Variants in OR4K2 observed in about 807,000 individuals in gnomAD.
OR4K2 encodes the protein olfactory receptor family 4 subfamily K member 2, also known as olfactory receptor 4K2.
OR4K2 carries 8 observed loss-of-function variants against 10.5 expected under a neutral mutation model. That is an observed-to-expected ratio of 0.76 (90% CI 0.45 to 1.37). The LOEUF is 1.37. Ranked by LOEUF, OR4K2 falls within the 40% of genes most tolerant of loss-of-function variation. OR4K2 has a pLI of 0.00. For synonymous variants in OR4K2, 178 were observed against 133.6 expected (o/e 1.33, Z -2.29); for missense variants, 547 against 379.5 (o/e 1.44, Z -3.67).
chr14:19,876,600 G>C lies in OR4K2; in HGVS notation c.333G>C (p.Glu111Asp). 6.2e-7 allele frequency: 1 copy of C among 1,614,192 alleles called. No individual in the cohort carries two copies. Among genetic ancestry groups the C allele is most frequent in the East Asian group, 2.2e-5 (1 of 44,890 alleles). ...TTCTCCACCTTTTCACTGGAACTGAGATCATCTTACTCATGGCCATGTCCT... is the reference window on the plus strand; with the variant it reads ...TTCTCCACCTTTTCACTGGAACTGACATCATCTTACTCATGGCCATGTCCT... Reference protein sequence around the residue: ...IFFLHLFTGTEIILLMAMSFD... With the variant: ...IFFLHLFTGTDIILLMAMSFD... Residue 111 changes from glutamate to aspartate, a missense_variant, in exon 2 of 2, where the codon GAG becomes GAC. Physicochemically the swap from Glu to Asp is conservative, Grantham distance 45 (BLOSUM62 2). Coordinates refer to ENST00000641885, the MANE Select transcript of OR4K2 (RefSeq NM_001005501.2).
chr14:19,876,518 A>G lies in OR4K2; in HGVS notation c.251A>G (p.Asp84Gly), dbSNP rs1880905098. Residue 84 changes from aspartate (D) to glycine (G), a missense_variant, in exon 2 of 2, where the codon GAT becomes GGT. Physicochemically the swap from Asp to Gly is moderately conservative, Grantham distance 94. Transcript: ENST00000641885. The part of the protein sequence containing the change: ...ASFATPKMIT[D>G]YLTGHKTISF... ...TTCGCCACCCCAAAGATGATTACAGATTACCTAACAGGTCACAAAACCATC... is the reference window on the plus strand; with the variant it reads ...TTCGCCACCCCAAAGATGATTACAGGTTACCTAACAGGTCACAAAACCATC... 2 of 1,614,158 alleles carry G rather than the reference A, an allele frequency of 1.2e-6. No homozygotes were observed. Among genetic ancestry groups the G allele is most frequent in the East Asian group, 2.2e-5 (1 of 44,890 alleles).
rs1880895665 is a variant in OR4K2 at position 19,876,343 on chromosome 14, T to C, written c.76T>C (p.Phe26Leu). ...GLSNSWELQM[F>L]FFMVFSLLYV... ...CTCTAATTCCTGGGAACTACAGATG[T>C]TTTTCTTTATGGTGTTTTCATTGCT... is the stretch of plus-strand genomic sequence containing the variant. Residue 26 changes from phenylalanine (F) to leucine (L), a missense_variant, in exon 2 of 2, where the codon TTT becomes CTT. Physicochemically the swap from Phe to Leu is conservative, Grantham distance 22 (BLOSUM62 0). Transcript: ENST00000641885. 4 of 1,614,070 alleles carry C rather than the reference T, an allele frequency of 2.5e-6. No homozygotes were observed. Among genetic ancestry groups the C allele is most frequent in the Non-Finnish European group, 3.4e-6 (4 of 1,179,974 alleles).
In OR4K2 at chr14:19,881,879, T is replaced by G. The variant is rs1202737511; in HGVS notation, c.*4667T>G. 6.6e-6 allele frequency: 1 copy of G among 152,018 alleles called. No homozygotes were observed. Among genetic ancestry groups the G allele is most frequent in the East Asian group, 1.9e-4 (1 of 5,190 alleles). The allele number at this position is 152,018 out of a possible 1,614,324, so 9.4% of individuals were successfully genotyped here. On this transcript the variant is annotated 3_prime_UTR_variant, in exon 2 of 2. Transcript: ENST00000641885. ...TAATTAGTAATTTGTTTTTATATAA[T>G]AATATATTTATATCAATTTTTTCTT...
In OR4K2 at chr14:19,883,168, C is replaced by T. The variant is rs926985366; in HGVS notation, c.*5956C>T. On this transcript the variant is annotated 3_prime_UTR_variant, in exon 2 of 2. Transcript: ENST00000641885. ...CAAATTGCCTATCCAGCAGCTTAATCATATTTAGTTTGATACTTTTTGCAA... is the reference window on the plus strand; with the variant it reads ...CAAATTGCCTATCCAGCAGCTTAATTATATTTAGTTTGATACTTTTTGCAA... 3.3e-5 allele frequency: 5 copies of T among 152,268 alleles called. No homozygotes were observed. The highest frequency in any genetic ancestry group is 9.6e-5 in the African/African-American group (4 of 41,458). 9.4% of individuals were successfully genotyped at this position (152,268 alleles called of 1,614,324 possible). A position where few individuals can be genotyped will look rare whatever the true frequency, so the allele number is the denominator to read the frequency against.
rs1469186246 is a variant in OR4K2 at position 19,877,132 on chromosome 14, T to G, written c.865T>G (p.Leu289Val). 1 of 1,605,270 alleles carries G rather than the reference T, an allele frequency of 6.2e-7. No individual in the cohort carries two copies. Among genetic ancestry groups the G allele is most frequent in the South Asian group, 1.1e-5 (1 of 91,004 alleles). The change falls in exon 2 of 2, where the codon TTG becomes GTG. Residue 289 changes from leucine to valine, a missense_variant. Transcript: ENST00000641885. ...TPTLNPIIYTLRNQEVKIAMR... is the reference protein window; with the variant it reads ...TPTLNPIIYTVRNQEVKIAMR... ...CACTCTGAACCCAATAATCTATACT[T>G]TGAGGAATCAAGAAGTAAAGATAGC...
At position 19,876,880 on chromosome 14, in the gene OR4K2, A is replaced by C. The variant is rs772515563; in HGVS notation, c.613A>C (p.Ile205Leu). 6.2e-7 allele frequency: 1 copy of C among 1,614,208 alleles called. No homozygotes were observed. The highest frequency in any genetic ancestry group is 2.2e-5 in the East Asian group (1 of 44,888). The stretch of plus-strand genomic sequence containing the variant: ...CCTCTTTATGATCTCAACAAGTGGC[A>C]TAATTGCGTTGTCCTGTTTTATTGT... Reference protein sequence around the residue: ...LGLFMISTSGIIALSCFIVLF... With the variant: ...LGLFMISTSGLIALSCFIVLF... Residue 205 changes from isoleucine to leucine, a missense_variant, in exon 2 of 2, where the codon ATA becomes CTA. Ile to Leu is a conservative substitution (Grantham distance 5, BLOSUM62 2). Transcript: ENST00000641885.
Position 19,882,172 on chromosome 14 carries a change from GGA to G in OR4K2, c.*4961_*4962del, listed in dbSNP as rs1471051903. 1 of 152,428 alleles carries G rather than the reference GGA, an allele frequency of 6.6e-6. No individual in the cohort carries two copies. The highest frequency in any genetic ancestry group is 1.9e-4 in the East Asian group (1 of 5,192). The allele number at this position is 152,428 out of a possible 1,614,324, so 9.4% of individuals were successfully genotyped here. ...CTCTTGAAGGTGGTGAATAGTCACT[GGA>G]CACAGGTATGGCTGCCACAGTTGCT... On this transcript the variant is annotated 3_prime_UTR_variant, in exon 2 of 2. Coordinates refer to ENST00000641885, the MANE Select transcript of OR4K2 (RefSeq NM_001005501.2).
chr14:19,879,710 T>C lies in OR4K2; in HGVS notation c.*2498T>C, dbSNP rs561856440. 30 of 152,382 alleles carry C rather than the reference T, an allele frequency of 2.0e-4. No individual in the cohort carries two copies. The highest frequency in any genetic ancestry group is 6.3e-4 in the African/African-American group (26 of 41,598). 9.4% of individuals were successfully genotyped at this position (152,382 alleles called of 1,614,324 possible). On this transcript the variant is annotated 3_prime_UTR_variant, in exon 2 of 2. Coordinates refer to ENST00000641885, the MANE Select transcript of OR4K2 (RefSeq NM_001005501.2). ...TTAATATGTGAAGGAACTGGATATA[T>C]GTAATAGCAATAAAAACTACAAATT...
chr14:19,876,839 A>T lies in OR4K2; in HGVS notation c.572A>T (p.Asp191Val), dbSNP rs764922141. The T allele has an allele frequency of 7.4e-6, 12 of 1,614,132 alleles. No individual in the cohort carries two copies. The South Asian group carries it at 9.9e-5, about 13-fold the overall frequency. The change falls in exon 2 of 2, where the codon GAT becomes GTT. Residue 191 changes from aspartate (D) to valine (V), a missense_variant. Transcript: ENST00000641885. ...LPVVFQLACV[D>V]TYVLGLFMIS... ...GTGGTGTTCCAGTTGGCTTGTGTGG[A>T]TACTTATGTTCTGGGCCTCTTTATG...
In OR4K2 at chr14:19,877,197, G is replaced by T; in HGVS notation, c.930G>T (p.Lys310Asn). 6.3e-7 allele frequency: 1 copy of T among 1,580,800 alleles called. No individual in the cohort carries two copies. The highest frequency in any genetic ancestry group is 1.1e-5 in the South Asian group (1 of 89,688). The change falls in exon 2 of 2, where the codon AAG becomes AAT. Residue 310 changes from lysine (K) to asparagine (N), a missense_variant. Lys to Asn is a moderately conservative substitution (Grantham distance 94, BLOSUM62 0). Coordinates refer to ENST00000641885, the MANE Select transcript of OR4K2 (RefSeq NM_001005501.2). ...AAAATAGGTTTCTAAATTTTAATAAGGCAATGCCTTCATAGTTTTTGTGAC... is the reference window on the plus strand; with the variant it reads ...AAAATAGGTTTCTAAATTTTAATAATGCAATGCCTTCATAGTTTTTGTGAC... ...KLKNRFLNFNKAMPS is the reference protein window; with the variant it reads ...KLKNRFLNFNNAMPS
Position 19,875,856 on chromosome 14 carries a change from A to C in OR4K2, c.-302A>C, listed in dbSNP as rs914021639. The stretch of plus-strand genomic sequence containing the variant: ...AGGATATCTTTATGGACAAATTCCA[A>C]ATGACTAAACATGTATGTGTATGTG... On this transcript the variant is annotated 5_prime_UTR_variant, in exon 1 of 2. Transcript: ENST00000641885. The C allele has an allele frequency of 2.9e-5, 5 of 170,518 alleles. No homozygotes were observed. The highest frequency in any genetic ancestry group is 1.2e-4 in the African/African-American group (5 of 41,770). 10.6% of individuals were successfully genotyped at this position (170,518 alleles called of 1,614,324 possible). A position where few individuals can be genotyped will look rare whatever the true frequency, so the allele number is the denominator to read the frequency against.
chr14:19,877,122 A>T lies in OR4K2; in HGVS notation c.855A>T (p.Ile285=). Residue 285 remains isoleucine, a synonymous_variant, in exon 2 of 2, where the codon ATA becomes ATT. Coordinates refer to ENST00000641885, the MANE Select transcript of OR4K2 (RefSeq NM_001005501.2). The part of the protein sequence containing the change: ...YTIFTPTLNP[I]IYTLRNQEVK... ...TCTTTACTCCCACTCTGAACCCAAT[A>T]ATCTATACTTTGAGGAATCAAGAAG... 1 of 1,606,436 alleles carries T rather than the reference A, an allele frequency of 6.2e-7. No homozygotes were observed. The highest frequency in any genetic ancestry group is 8.5e-7 in the Non-Finnish European group (1 of 1,179,788).
At position 19,877,970 on chromosome 14, in the gene OR4K2, A is replaced by C. The variant is rs1880952242; in HGVS notation, c.*758A>C. On this transcript the variant is annotated 3_prime_UTR_variant, in exon 2 of 2. Transcript: ENST00000641885. ...ATGGTTGCTTAGTTCCTAAGAAGTT[A>C]AAACTAGAATTGAGAGACACAGTTT... The C allele has an allele frequency of 6.6e-6, 1 of 152,292 alleles. No homozygotes were observed. The highest frequency in any genetic ancestry group is 2.4e-5 in the African/African-American group (1 of 41,476). The allele number at this position is 152,292 out of a possible 1,614,324, so 9.4% of individuals were successfully genotyped here.
Position 19,876,371 on chromosome 14 carries a change from A to C in OR4K2, c.104A>C (p.Tyr35Ser), listed in dbSNP as rs765620631. Reference sequence around the variant, plus strand: ...TTCTTTATGGTGTTTTCATTGCTTTATGTGGCAACAATGGTGGGTAACAGC... The same window carrying C: ...TTCTTTATGGTGTTTTCATTGCTTTCTGTGGCAACAATGGTGGGTAACAGC... ...MFFFMVFSLL[Y>S]VATMVGNSLI... The change falls in exon 2 of 2, where the codon TAT becomes TCT. Residue 35 changes from tyrosine (Y) to serine (S), a missense_variant. Tyr to Ser is a moderately radical substitution (Grantham distance 144). Coordinates refer to ENST00000641885, the MANE Select transcript of OR4K2 (RefSeq NM_001005501.2). The C allele has an allele frequency of 1.9e-6, 3 of 1,614,062 alleles. No individual in the cohort carries two copies. The highest frequency in any genetic ancestry group is 1.7e-5 in the Admixed American group (1 of 60,006).
Position 19,876,826 on chromosome 14 carries a change from T to C in OR4K2, c.559T>C (p.Leu187=), listed in dbSNP as rs1203817704. 6.2e-7 allele frequency: 1 copy of C among 1,614,222 alleles called. No individual in the cohort carries two copies. The highest frequency in any genetic ancestry group is 8.5e-7 in the Non-Finnish European group (1 of 1,180,014). The part of the protein sequence containing the change: ...FFCDLPVVFQ[L]ACVDTYVLGL... ...CTGTGACCTTCCTGTGGTGTTCCAG[T>C]TGGCTTGTGTGGATACTTATGTTCT... is the stretch of plus-strand genomic sequence containing the variant. The change falls in exon 2 of 2, where the codon TTG becomes CTG. Residue 187 remains leucine, a synonymous_variant. Transcript: ENST00000641885.
In OR4K2 at chr14:19,877,709, T is replaced by G. The variant is rs1229553946; in HGVS notation, c.*497T>G. 1 of 153,676 alleles carries G rather than the reference T, an allele frequency of 6.5e-6. No homozygotes were observed. The highest frequency in any genetic ancestry group is 2.4e-5 in the African/African-American group (1 of 41,480). 9.5% of individuals were successfully genotyped at this position (153,676 alleles called of 1,614,324 possible). A position where few individuals can be genotyped will look rare whatever the true frequency, so the allele number is the denominator to read the frequency against. ...CCTACTTAACATTTAAACCAATTTG[T>G]GATCTCTTCTATTAAAGAAAACTCT... On this transcript the variant is annotated 3_prime_UTR_variant, in exon 2 of 2. Coordinates refer to ENST00000641885, the MANE Select transcript of OR4K2 (RefSeq NM_001005501.2).
In OR4K2 at chr14:19,876,866, T is replaced by C. The variant is rs749544068; in HGVS notation, c.599T>C (p.Ile200Thr). ...VDTYVLGLFM[I>T]STSGIIALSC... ...ACTTATGTTCTGGGCCTCTTTATGA[T>C]CTCAACAAGTGGCATAATTGCGTTG... Residue 200 changes from isoleucine to threonine, a missense_variant, in exon 2 of 2, where the codon ATC becomes ACC. Physicochemically the swap from Ile to Thr is moderately conservative, Grantham distance 89. Transcript: ENST00000641885. 4.3e-6 allele frequency: 7 copies of C among 1,614,050 alleles called. No individual in the cohort carries two copies. The African/African-American group carries it at 8.0e-5, about 18-fold the overall frequency.
Position 19,875,588 on chromosome 14 carries a change from T to A in OR4K2, c.-570T>A, listed in dbSNP as rs2138528387. 1 of 152,346 alleles carries A rather than the reference T, an allele frequency of 6.6e-6. No homozygotes were observed. Among genetic ancestry groups the A allele is most frequent in the Non-Finnish European group, 1.5e-5 (1 of 68,022 alleles). 9.4% of individuals were successfully genotyped at this position (152,346 alleles called of 1,614,324 possible). A position where few individuals can be genotyped will look rare whatever the true frequency, so the allele number is the denominator to read the frequency against. On this transcript the variant is annotated 5_prime_UTR_variant, in exon 1 of 2. Coordinates refer to ENST00000641885, the MANE Select transcript of OR4K2 (RefSeq NM_001005501.2). ...ATTAAAAAGAAAGGACCAAAAGAAG[T>A]TAAATGCCTTTCCTTTGTCTGTATG...
Position 19,877,179 on chromosome 14 carries a change from G to A in OR4K2, c.912G>A (p.Arg304=). The change falls in exon 2 of 2, where the codon AGG becomes AGA. Residue 304 remains arginine (R), a synonymous_variant. Transcript: ENST00000641885. The stretch of plus-strand genomic sequence containing the variant: ...TAGCCATGAGGAAACTGAAAAATAG[G>A]TTTCTAAATTTTAATAAGGCAATGC... ...VKIAMRKLKN[R]FLNFNKAMPS is the part of the protein sequence containing the mutation. 1.9e-6 allele frequency: 3 copies of A among 1,596,516 alleles called. No homozygotes were observed. The highest frequency in any genetic ancestry group is 2.7e-5 in the African/African-American group (2 of 74,652).
Sources: allele counts gnomAD v4.1 joint callset, GRCh38; gene constraint gnomAD v4.1.1; transcripts MANE v1.5; gene names NCBI Gene and HGNC (gene_info 2026-07-23, HGNC 2026-07-21).